FANCI: variants seen among roughly 807,000 people sequenced by gnomAD.
FANCI encodes Fanconi anemia group I protein.
In FANCI, 156 loss-of-function variants were observed where a neutral mutation model predicts 176.1. The ratio of observed to expected loss-of-function variants is 0.89; its 90% CI spans 0.78 to 1.01. The LOEUF (loss-of-function observed/expected upper bound fraction) is 1.01, where lower values mean the gene tolerates loss of function less well. Ranked by LOEUF, FANCI falls within the 50% of genes least tolerant of loss-of-function variation. The probability of loss-of-function intolerance (pLI) is 0.00; values close to 1 mark genes in which losing one functional copy is unlikely to be tolerated. For synonymous variants in FANCI, 613 were observed against 541.7 expected (o/e 1.13, Z -1.83); for missense variants, 1,678 against 1,534.1 (o/e 1.09, Z -1.57).
intron 34 of FANCI, among the ~76,000 whole-genome samples, chr15:89,310,382 G>C (rs2054907240): frequency 6.6e-6 from 1 of 152,146 alleles, no homozygotes; most frequent in Admixed American, 6.5e-5. Context: ...GTAAAATGTT[G>C]GAAGGTTTTG....
intron 17 of FANCI, among the ~76,000 whole-genome samples, chr15:89,284,649 C>G (rs987523951): frequency 1.3e-5 from 2 of 152,178 alleles, no homozygotes; most frequent in African/African-American, 4.8e-5. Context: ...ATGTAATTTA[C>G]ACAAAGGATG....
intron 19 of FANCI, 172 bp downstream of exon 19, chr15:89,290,453 C>T (rs1416420168): frequency 1.6e-6 from 1 of 622,950 alleles, no homozygotes; most frequent in Non-Finnish European, 2.9e-6. Context: ...TCGGTCACCA[C>T]TTACCTGTCT....
Position 89,312,800 on chromosome 15 carries a change from C to T in FANCI, c.3652-104C>T, listed in dbSNP as rs890614779. ...CGCCACTGCACACCAGCCTGGGTGA[C>T]AGCAAAGCTCTGTCTTAAAAAAAAA... On this transcript the variant is annotated intron_variant, in intron 34 of 37. Transcript: ENST00000310775. 1.6e-5 allele frequency: 14 copies of T among 862,488 alleles called. No individual in the cohort carries two copies. In the African/African-American group the frequency reaches 2.1e-4, roughly 13 times the overall value. 53.4% of individuals were successfully genotyped at this position (862,488 alleles called of 1,614,324 possible). A position where few individuals can be genotyped will look rare whatever the true frequency, so the allele number is the denominator to read the frequency against.
At chr15:89,278,856 A>G in intron 14 of FANCI, 82 bp downstream of exon 14, 1 of 1,079,590 alleles carries the variant, frequency 9.3e-7, no homozygotes, top group Non-Finnish European at 1.4e-6. Flanking sequence ...TGGGAAAAAA[A>G]TTTTAATGAG....
intron 24 of FANCI, among the ~76,000 whole-genome samples, chr15:89,296,986 C>T (rs1313788881): frequency 2.6e-5 from 4 of 151,058 alleles, no homozygotes; most frequent in African/African-American, 9.7e-5. Flanking sequence ...CCCCACCTCC[C>T]TCCCGGACGG....
Position 89,268,537 on chromosome 15 carries a change from C to T in FANCI, c.882+12C>T. ...TGAAACACTTAAAGGTAGCATCAAA[C>T]TTGTAAGGTGATCTGGGTCTCTTTT... On this transcript the variant is annotated intron_variant, in intron 10 of 37. Transcript: ENST00000310775. 2 of 1,614,028 alleles carry T rather than the reference C, an allele frequency of 1.2e-6. No individual in the cohort carries two copies. Among genetic ancestry groups the T allele is most frequent in the Non-Finnish European group, 1.7e-6 (2 of 1,179,964 alleles).
intron 23 of FANCI, 37 bp from the exon 24 acceptor site, chr15:89,294,878 T>C: frequency 6.5e-7 from 1 of 1,543,708 alleles, no homozygotes; most frequent in African/African-American, 1.4e-5. Flanking sequence ...AGTAAGGGAA[T>C]CTTCCTTTTT....
intron 7 of FANCI, 119 bp downstream of exon 7, chr15:89,263,579 A>G (rs2052809322): frequency 1.0e-6 from 1 of 960,280 alleles, no homozygotes; most frequent in African/African-American, 1.6e-5. Flanking sequence ...ATTAGTAGTT[A>G]TGTTTTCTGT....
At chr15:89,266,593 T>A (rs1029529378) in intron 9 of FANCI, among the ~76,000 whole-genome samples, 1 of 151,856 alleles carries the variant, frequency 6.6e-6, no homozygotes, top group Non-Finnish European at 1.5e-5. Context: ...CCTCCCAAAG[T>A]GCTGGGATTA....
chr15:89,281,023 A>G, intron 14 of FANCI, 147 bp from the exon 15 acceptor site: 2 of 747,990 alleles, frequency 2.7e-6, no homozygotes, highest in Admixed American at 2.2e-5. Context: ...AAAAGTATAT[A>G]TAGAATCAGT....
At chr15:89,259,399 A>G (rs186022008) in intron 3 of FANCI, 4 of 152,752 alleles carry the variant, frequency 2.6e-5, no homozygotes, top group East Asian at 3.9e-4. Flanking sequence ...ACATCTTCCT[A>G]TTCATGAAAG....
rs11556720 is a variant in FANCI, at chr15:89,281,773, C to T, written c.1521C>T (p.Leu507=). ...CACTGATTCTTTTTCAGCCCCTTCT[C>T]AAAGTCAGCATGTCAATGAGAGACT... The part of the protein sequence containing the change: ...QRLLKAVQPL[L]KVSMSMRDCL... The change falls in exon 16 of 38, where the codon CTC becomes CTT. Residue 507 remains leucine (L), a synonymous_variant. Coordinates refer to ENST00000310775, the MANE Select transcript of FANCI (RefSeq NM_001113378.2). 1 of 1,613,878 alleles carries T rather than the reference C, an allele frequency of 6.2e-7. No individual in the cohort carries two copies. Among genetic ancestry groups the T allele is most frequent in the Non-Finnish European group, 8.5e-7 (1 of 1,179,884 alleles).
chr15:89,263,888 A>G lies in FANCI; in HGVS notation c.546-15A>G. On this transcript the variant is annotated splice_polypyrimidine_tract_variant and intron_variant, in intron 7 of 37. Coordinates refer to ENST00000310775, the MANE Select transcript of FANCI (RefSeq NM_001113378.2). ...TTAGACACTGTCTATAGCCTTTAGA[A>G]TCTTTGATCCACAGGGATGTCCCTC... The G allele has an allele frequency of 1.2e-6, 2 of 1,614,072 alleles. No individual in the cohort carries two copies. Among genetic ancestry groups the G allele is most frequent in the Non-Finnish European group, 1.7e-6 (2 of 1,179,944 alleles).
chr15:89,254,026 CATTTCCT>C (rs2052387783), intron 2 of FANCI, among the ~76,000 whole-genome samples: 1 of 152,040 alleles, frequency 6.6e-6, no homozygotes. Context: ...AACATGCATA[CATTTCCT>C]GGCTCTCTCC....
chr15:89,294,847 T>C (rs2151753193), intron 23 of FANCI, 68 bp from the exon 24 acceptor site: 1 of 1,490,356 alleles, frequency 6.7e-7, no homozygotes, highest in Non-Finnish European at 9.0e-7. Flanking sequence ...TCTAGAAAGC[T>C]TAATTCCATA....
At chr15:89,310,176 G>C (rs995202285) in intron 34 of FANCI, among the ~76,000 whole-genome samples, 1 of 152,154 alleles carries the variant, frequency 6.6e-6, no homozygotes, top group Non-Finnish European at 1.5e-5. Flanking sequence ...GTAAATGTGG[G>C]TCATACAGTC....
chr15:89,253,790 G>T (rs945131068), intron 2 of FANCI, among the ~76,000 whole-genome samples: 1 of 124,600 alleles, frequency 8.0e-6, no homozygotes, highest in Non-Finnish European at 1.5e-5. Flanking sequence ...AACTTGTGGG[G>T]GGGGGGGGGA....
At chr15:89,279,426 G>C (rs987644306) in intron 14 of FANCI, among the ~76,000 whole-genome samples, 10 of 152,184 alleles carry the variant, frequency 6.6e-5, no homozygotes, top group Admixed American at 6.5e-4. Context: ...CCAAAGTGCT[G>C]GGATTACAGG....
At chr15:89,283,463 C>G (rs1325562701) in intron 17 of FANCI, among the ~76,000 whole-genome samples, 1 of 152,102 alleles carries the variant, frequency 6.6e-6, no homozygotes, top group African/African-American at 2.4e-5. Flanking sequence ...CTGTGCTATC[C>G]AGTATGGTAG....
Sources: gnomAD v4.1 joint callset for allele counts (sites outside exome capture counted in the v4.1 genomes callset) on GRCh38, gnomAD v4.1.1 for gene constraint, MANE v1.5 for transcripts, NCBI Gene and HGNC (gene_info 2026-07-23, HGNC 2026-07-21) for gene names.